GP2: variants seen among roughly 807,000 people sequenced by gnomAD.
The protein encoded by GP2 is glycoprotein 2.
A neutral mutation model predicts 60.8 loss-of-function variants in GP2; 58 were observed. The observed-to-expected ratio is 0.95, with a 90% CI of 0.77 to 1.19. The LOEUF is 1.19. GP2 is among the 50% of genes most tolerant of loss of function. GP2 has a pLI of 0.00. For missense variants in GP2, 647 were observed against 667.4 expected (o/e 0.97, Z 0.34); for synonymous variants, 280 against 253.4 (o/e 1.10, Z -1.00).
intron 4 of GP2, among the ~76,000 whole-genome samples, chr16:20,322,330 C>T (rs1416892597): frequency 1.3e-5 from 2 of 152,186 alleles, no homozygotes; most frequent in Non-Finnish European, 2.9e-5. Context: ...CATCCCTACC[C>T]ATGGGACATC....
Position 20,327,487 on chromosome 16 carries a change from G to A in GP2, c.-57C>T, listed in dbSNP as rs184985375. 1.3e-4 allele frequency: 163 copies of A among 1,288,694 alleles called. No individual in the cohort carries two copies. Among genetic ancestry groups the A allele is most frequent in the Admixed American group, 1.1e-3 (49 of 43,552 alleles). The allele number at this position is 1,288,694 out of a possible 1,614,324, so 79.8% of individuals were successfully genotyped here. ...CTTACCTCCGATGAGAACACAAAGC[G>A]TTCCTCCTCTGGCCAGCCATGGGAA... On this transcript the variant is annotated 5_prime_UTR_variant, in exon 1 of 11. It adds an upstream start codon to the 5' untranslated region. Transcript: ENST00000302555.
chr16:20,313,307 T>C (rs1223650063), intron 10 of GP2, among the ~76,000 whole-genome samples: 2 of 152,100 alleles, frequency 1.3e-5, no homozygotes, highest in Admixed American at 1.3e-4. Context: ...GTGATATTTC[T>C]TTTATTAGTT....
intron 10 of GP2, among the ~76,000 whole-genome samples, 194 bp from the exon 11 acceptor site, chr16:20,311,475 GACA>G (rs1480930180): frequency 6.6e-6 from 1 of 152,106 alleles, no homozygotes; most frequent in Non-Finnish European, 1.5e-5. Context: ...TTTTCCTCTG[GACA>G]CACAGGAATG....
Position 20,320,459 on chromosome 16 carries a change from G to A in GP2, c.661C>T (p.Gln221Ter), listed in dbSNP as rs538424340. The A allele has an allele frequency of 1.6e-5, 26 of 1,612,002 alleles. No individual in the cohort carries two copies. In the African/African-American group the frequency reaches 2.7e-4, roughly 17 times the overall value. Residue 221 changes from glutamine to a stop codon, truncating the protein, a stop_gained, in exon 5 of 11, where the codon CAG becomes TAG. Transcript: ENST00000302555. LOFTEE classifies it high-confidence loss of function. ...CTGGGCCCACAGTCTAGCTGAGGCT[G>A]CAAACTGTGGACATCTGCAAAGCAG... The part of the protein sequence containing the change: ...DLNSSDVHSL[Q>*]PQLDCGPREI...
intron 4 of GP2, among the ~76,000 whole-genome samples, chr16:20,321,277 G>A (rs1964350147): frequency 1.3e-5 from 2 of 151,924 alleles, no homozygotes; most frequent in Admixed American, 1.3e-4. Context: ...GGCCAGGCTG[G>A]TTTCAAACTC....
At chr16:20,319,566 G>C in intron 6 of GP2, 54 bp downstream of exon 6, 1 of 1,317,486 alleles carries the variant, frequency 7.6e-7, no homozygotes, top group Non-Finnish European at 1.1e-6. Context: ...TGAAGTAAGT[G>C]TGATGTGACT....
At chr16:20,320,742 A>G (rs1253163671) in intron 4 of GP2, among the ~76,000 whole-genome samples, 3 of 152,166 alleles carry the variant, frequency 2.0e-5, no homozygotes, top group African/African-American at 7.2e-5. Context: ...GGCAGGATGG[A>G]CTTGCATTCC....
intron 1 of GP2, 153 bp downstream of exon 1, chr16:20,327,314 T>C: frequency 2.6e-6 from 1 of 386,288 alleles, no homozygotes; most frequent in Non-Finnish European, 4.8e-6. Context: ...GAGTTGGACA[T>C]AGAGTGGTAC....
rs1185707302 is a variant in GP2, at chr16:20,311,176, C to G, written c.*47G>C. The G allele has an allele frequency of 1.6e-6, 2 of 1,217,950 alleles. No individual in the cohort carries two copies. The highest frequency in any genetic ancestry group is 2.3e-5 in the East Asian group (1 of 42,974). 75.4% of individuals were successfully genotyped at this position (1,217,950 alleles called of 1,614,324 possible). ...GCAGAAGTGCTGAAGGGAGCCATTG[C>G]CAGAGGGAAGAACACAAACTTCAAG... On this transcript the variant is annotated 3_prime_UTR_variant, in exon 11 of 11. Coordinates refer to ENST00000302555, the MANE Select transcript of GP2 (RefSeq NM_001502.4).
chr16:20,326,533 T>C, intron 1 of GP2, 66 bp from the exon 2 acceptor site: 1 of 1,300,412 alleles, frequency 7.7e-7, no homozygotes, highest in Non-Finnish European at 1.1e-6. Flanking sequence ...ACAGATCCGT[T>C]GACTTCCTTC....
chr16:20,326,485 C>T lies in GP2; in HGVS notation c.-36-18G>A, dbSNP rs779260300. On this transcript the variant is annotated intron_variant, in intron 1 of 10. Coordinates refer to ENST00000302555, the MANE Select transcript of GP2 (RefSeq NM_001502.4). ...CCATGCAGCTATGGGAAAGAAAAGA[C>T]CAAGATAAGATTAGGGCATAGGTCT... 9 of 1,603,184 alleles carry T rather than the reference C, an allele frequency of 5.6e-6. No individual in the cohort carries two copies. The South Asian group carries it at 8.9e-5, about 16-fold the overall frequency.
At chr16:20,313,077 C>T (rs867476719) in intron 10 of GP2, among the ~76,000 whole-genome samples, 4 of 152,144 alleles carry the variant, frequency 2.6e-5, no homozygotes, top group Admixed American at 2.0e-4. Context: ...TAAAAACTGC[C>T]ATCTAAGTTT....
At chr16:20,320,158 G>A in intron 5 of GP2, 104 bp downstream of exon 5, 2 of 812,318 alleles carry the variant, frequency 2.5e-6, no homozygotes, top group East Asian at 2.5e-5. Context: ...AACCCTGGGG[G>A]CTCAGGGAAG....
chr16:20,316,949 C>T (rs62032854), intron 8 of GP2, among the ~76,000 whole-genome samples: 43,878 of 145,090 alleles, frequency 0.3, 8,593 homozygotes, highest in Non-Finnish European at 0.43. Context: ...TTCCCTCCCT[C>T]CTTCTCCTTC....
In GP2 at chr16:20,324,229, G is replaced by T; in HGVS notation, c.122C>A (p.Ser41Ter). The T allele has an allele frequency of 6.2e-7, 1 of 1,605,230 alleles. No individual in the cohort carries two copies. Residue 41 changes from serine to a stop codon, truncating the protein, a stop_gained, in exon 3 of 11, where the codon TCG becomes TAG. Coordinates refer to ENST00000302555, the MANE Select transcript of GP2 (RefSeq NM_001502.4). LOFTEE classifies it high-confidence loss of function. ...TCCGCAGTCCAGGTCCAGCCCATAC[G>T]AACTGGCTTCAATGGGGTTTCCATA... ...RGYGNPIEAS[S>*]YGLDLDCGAP... is the part of the protein sequence containing the mutation.
chr16:20,311,146 G>A lies in GP2; in HGVS notation c.*77C>T. On this transcript the variant is annotated 3_prime_UTR_variant, in exon 11 of 11. Transcript: ENST00000302555. ...ATACCAAGCCTGTGTGAATTGGAGT[G>A]GAAAGCAGAAGTGCTGAAGGGAGCC... 2.3e-6 allele frequency: 2 copies of A among 880,692 alleles called. No homozygotes were observed. The highest frequency in any genetic ancestry group is 2.6e-5 in the South Asian group (2 of 75,818). 54.6% of individuals were successfully genotyped at this position (880,692 alleles called of 1,614,324 possible).
intron 6 of GP2, 78 bp downstream of exon 6, chr16:20,319,542 T>C: frequency 2.0e-6 from 2 of 1,025,336 alleles, no homozygotes; most frequent in Non-Finnish European, 3.0e-6. Context: ...GGTGTGGACA[T>C]CATAGTCTGC....
intron 2 of GP2, among the ~76,000 whole-genome samples, chr16:20,324,896 G>T (rs2141611653): frequency 6.6e-6 from 1 of 152,310 alleles, no homozygotes; most frequent in South Asian, 2.1e-4. Context: ...CACTGGAGGA[G>T]CCATCCTGTG....
At chr16:20,325,892 C>T (rs1338376201) in intron 2 of GP2, among the ~76,000 whole-genome samples, 1 of 152,208 alleles carries the variant, frequency 6.6e-6, no homozygotes, top group African/African-American at 2.4e-5. Flanking sequence ...CCCTCTCCCA[C>T]CCTCCTCCAG....
Sources: allele counts gnomAD v4.1 joint callset (sites outside exome capture counted in the v4.1 genomes callset), GRCh38; gene constraint gnomAD v4.1.1; transcripts MANE v1.5; gene names NCBI Gene and HGNC (gene_info 2026-07-23, HGNC 2026-07-21).